MTMR2: variants seen among roughly 807,000 people sequenced by gnomAD.
MTMR2 encodes the protein myotubularin related protein 2, also known as phosphatidylinositol-3,5-bisphosphate 3-phosphatase MTMR2.
Under a neutral mutation model 86.9 loss-of-function variants are expected in MTMR2, and 55 were observed. That is an observed-to-expected ratio of 0.63 (90% confidence interval 0.51 to 0.79). The LOEUF (loss-of-function observed/expected upper bound fraction) is 0.79, where lower values mean the gene tolerates loss of function less well. MTMR2 is among the 30% of genes least tolerant of loss of function. MTMR2 has a pLI of 0.00. For synonymous variants in MTMR2, 241 were observed against 266.8 expected, an observed-to-expected ratio of 0.90 and a Z score of 0.94; for missense variants, 659 against 772.3, an observed-to-expected ratio of 0.85 and a Z score of 1.74.
chr11:95,923,613 G>T (rs1867015122), intron 1 of MTMR2: 2 of 1,300,782 alleles, frequency 1.5e-6, no homozygotes, highest in African/African-American at 3.0e-5. Flanking sequence ...GTAATTAACT[G>T]GGACCACCTC....
At chr11:95,880,027 T>C in intron 2 of MTMR2, among the ~76,000 whole-genome samples, 1 of 151,864 alleles carries the variant, frequency 6.6e-6, no homozygotes, top group East Asian at 1.9e-4. Flanking sequence ...ACATTTTTAG[T>C]TATTATAGAA....
At chr11:95,835,986 ACCCTGC>A (rs1863254870) in intron 14 of MTMR2, among the ~76,000 whole-genome samples, 156 bp downstream of exon 14, 1 of 152,048 alleles carries the variant, frequency 6.6e-6, no homozygotes, top group Non-Finnish European at 1.5e-5. Flanking sequence ...TATACTGATT[ACCCTGC>A]CCCAGTGTAG....
At chr11:95,872,720 TG>T (rs1410799224) in intron 2 of MTMR2, among the ~76,000 whole-genome samples, 1 of 152,224 alleles carries the variant, frequency 6.6e-6, no homozygotes, top group African/African-American at 2.4e-5. Context: ...TTCCAGTTTT[TG>T]CCCATTCAGT....
rs185664068 is a variant in MTMR2, at chr11:95,852,151, T to C, written c.655-1402A>G. The stretch of plus-strand genomic sequence containing the variant: ...TGAGCATCTACTATGTGTAGGCACT[T>C]TGCCAGCCTCTTTACACCCAAACAC... On this transcript the variant is annotated intron_variant, in intron 7 of 14. Coordinates refer to ENST00000346299, the MANE Select transcript of MTMR2 (RefSeq NM_016156.6). Among the ~76,000 whole-genome samples, 536 of 152,316 alleles carry C rather than the reference T, an allele frequency of 3.5e-3. 2 individuals carry two copies. The highest frequency in any genetic ancestry group is 5.4e-3 in the Non-Finnish European group (365 of 68,028).
At chr11:95,874,573 T>C (rs528431089) in intron 2 of MTMR2, among the ~76,000 whole-genome samples, 1 of 152,338 alleles carries the variant, frequency 6.6e-6, no homozygotes, top group African/African-American at 2.4e-5. Context: ...GTCTTTTAAT[T>C]GGAGCATTTA....
chr11:95,869,811 C>T (rs975197549), intron 2 of MTMR2, among the ~76,000 whole-genome samples: 8 of 149,298 alleles, frequency 5.4e-5, no homozygotes, highest in Admixed American at 4.6e-4. Context: ...CAGTCCATAT[C>T]GTATGGGTCC....
chr11:95,846,344 G>C (rs1489407037), intron 10 of MTMR2, among the ~76,000 whole-genome samples: 1 of 152,178 alleles, frequency 6.6e-6, no homozygotes, highest in Non-Finnish European at 1.5e-5. Flanking sequence ...ATACAGCAGG[G>C]AACAAAGTTC....
At chr11:95,841,572 A>G (rs770635126) in intron 12 of MTMR2, 45 bp downstream of exon 12, 1 of 1,420,090 alleles carries the variant, frequency 7.0e-7, no homozygotes, top group East Asian at 2.3e-5. Context: ...TCTGACAGGA[A>G]AACTGAAAGG....
intron 1 of MTMR2, among the ~76,000 whole-genome samples, chr11:95,920,709 G>C (rs927701112): frequency 1.8e-4 from 27 of 152,166 alleles, no homozygotes; most frequent in South Asian, 8.3e-4. Context: ...ACAACAGCCT[G>C]TAATCCAACT....
chr11:95,915,840 T>A (rs980208013), intron 1 of MTMR2, among the ~76,000 whole-genome samples: 17 of 152,186 alleles, frequency 1.1e-4, no homozygotes, highest in African/African-American at 4.1e-4. Context: ...GCTCTTCAAG[T>A]GAAATACAAT....
chr11:95,845,833 TA>T (rs1357387185), intron 10 of MTMR2, among the ~76,000 whole-genome samples: 1 of 83,482 alleles, frequency 1.2e-5, no homozygotes, highest in Non-Finnish European at 2.3e-5. Flanking sequence ...GAGTTAAAAC[TA>T]AACATAATTA....
chr11:95,901,172 C>G (rs1178136425), intron 1 of MTMR2, among the ~76,000 whole-genome samples: 1 of 152,118 alleles, frequency 6.6e-6, no homozygotes, highest in Non-Finnish European at 1.5e-5. Context: ...TCTTCAGTTA[C>G]CATCTCTGTG....
At chr11:95,920,418 G>T (rs1202236211) in intron 1 of MTMR2, among the ~76,000 whole-genome samples, 1 of 151,782 alleles carries the variant, frequency 6.6e-6, no homozygotes, top group Non-Finnish European at 1.5e-5. Flanking sequence ...AGTAATTCTG[G>T]TACCTCAGCC....
chr11:95,848,020 G>A, intron 9 of MTMR2, 121 bp from the exon 10 acceptor site: 1 of 955,630 alleles, frequency 1.0e-6, no homozygotes, highest in Admixed American at 2.0e-5. Flanking sequence ...AAACTCCACA[G>A]GAAAATGTGG....
intron 6 of MTMR2, 119 bp downstream of exon 6, chr11:95,858,412 A>G: frequency 1.3e-6 from 1 of 758,400 alleles, no homozygotes; most frequent in Non-Finnish European, 2.4e-6. Flanking sequence ...TACACTATAC[A>G]TCTGGTTAAA....
In MTMR2 at chr11:95,858,535, T is replaced by G. The variant is rs2135464631; in HGVS notation, c.566A>C (p.Asn189Thr). The G allele has an allele frequency of 6.2e-7, 1 of 1,603,474 alleles. No homozygotes were observed. Among genetic ancestry groups the G allele is most frequent in the East Asian group, 2.2e-5 (1 of 44,742 alleles). The change falls in exon 6 of 15, where the codon AAC becomes ACC. Residue 189 changes from asparagine to threonine, a missense_variant. Asn to Thr is a moderately conservative substitution (Grantham distance 65, BLOSUM62 0). This residue lies in a region of MTMR2 where 387 missense variants were observed against 526.3 expected (regional missense o/e 0.74). Transcript: ENST00000346299. Reference protein sequence around the residue: ...LMKYAFPVSNNLPLFAFEYKE... With the variant: ...LMKYAFPVSNTLPLFAFEYKE... ...CAAAGACAGGAAACATTTTACCAGG[T>G]TATTAGAGACAGGAAATGCATATTT...
At chr11:95,855,641 T>C (rs1187529564) in intron 7 of MTMR2, among the ~76,000 whole-genome samples, 1 of 152,102 alleles carries the variant, frequency 6.6e-6, no homozygotes, top group African/African-American at 2.4e-5. Flanking sequence ...ATTTTTTTAG[T>C]GGCAGCACAT....
intron 13 of MTMR2, among the ~76,000 whole-genome samples, chr11:95,837,070 G>A (rs1262929670): frequency 2.0e-5 from 3 of 151,800 alleles, no homozygotes; most frequent in South Asian, 2.1e-4. Context: ...AAAACTCTTC[G>A]AAACTTAGCT....
chr11:95,880,026 G>A (rs1042918957), intron 2 of MTMR2, among the ~76,000 whole-genome samples: 3 of 151,516 alleles, frequency 2.0e-5, no homozygotes, highest in South Asian at 4.1e-4. Flanking sequence ...TACATTTTTA[G>A]TTATTATAGA....
Sources: gnomAD v4.1 joint callset for allele counts (sites outside exome capture counted in the v4.1 genomes callset) on GRCh38, gnomAD v4.1.1 for gene constraint, gnomAD v4.1.1 regional missense constraint, MANE v1.5 for transcripts, NCBI Gene and HGNC (gene_info 2026-07-23, HGNC 2026-07-21) for gene names.